The following RAB7A variants were observed in gnomAD, a reference collection of about 807,000 sequenced individuals.
The protein encoded by RAB7A is ras-related protein Rab-7a.
RAB7A carries 2 observed loss-of-function variants against 24.5 expected under a neutral mutation model. The observed-to-expected ratio is 0.08, with a 90% CI of 0.03 to 0.26. The LOEUF is 0.26. RAB7A is among the 10% of genes least tolerant of loss of function. RAB7A has a pLI of 1.00. For missense variants in RAB7A, 118 were observed against 255.7 expected, an observed-to-expected ratio of 0.46 and a Z score of 3.67; for synonymous variants, 100 against 95.9, an observed-to-expected ratio of 1.04 and a Z score of -0.25.
chr3:128,807,766 C>T (rs867283370), intron 5 of RAB7A, 95 bp downstream of exon 5: 2 of 1,553,806 alleles, frequency 1.3e-6, no homozygotes, highest in Non-Finnish European at 8.8e-7. Flanking sequence ...CTTCCCTAAC[C>T]CACTCTTTTC....
intron 3 of RAB7A, among the ~76,000 whole-genome samples, chr3:128,801,594 T>C (rs1933699820): frequency 6.6e-6 from 1 of 151,944 alleles, no homozygotes; most frequent in Non-Finnish European, 1.5e-5. Flanking sequence ...AATTTGGAAA[T>C]TCAGAGAATG....
intron 5 of RAB7A, among the ~76,000 whole-genome samples, chr3:128,809,173 G>A (rs113144540): frequency 2.0e-5 from 3 of 152,320 alleles, no homozygotes; most frequent in African/African-American, 7.2e-5. Context: ...TACTGTCCCT[G>A]TTGTCTTTAT....
Position 128,774,556 on chromosome 3 carries a change from G to A in RAB7A, c.-8-20804G>A, listed in dbSNP as rs576727358. 8.6e-5 allele frequency among the ~76,000 whole-genome samples: 13 copies of A among 151,936 alleles called. No individual in the cohort carries two copies. In the East Asian group the frequency reaches 2.3e-3, roughly 27 times the overall value. On this transcript the variant is annotated intron_variant, in intron 1 of 5. Transcript: ENST00000265062. ...GGCTCACTGTAACCTCTGCCTCCTG[G>A]GTTCAAGTGATTCTTTTATTTATTT...
At chr3:128,773,917 TC>T (rs1281524346) in intron 1 of RAB7A, among the ~76,000 whole-genome samples, 1 of 151,452 alleles carries the variant, frequency 6.6e-6, no homozygotes, top group Non-Finnish European at 1.5e-5. Context: ...CTCCCTAATC[TC>T]AAGTACCCAG....
chr3:128,766,761 A>G (rs1034371061), intron 1 of RAB7A, among the ~76,000 whole-genome samples: 6 of 151,842 alleles, frequency 4.0e-5, no homozygotes, highest in African/African-American at 1.5e-4. Flanking sequence ...GCTGGTTTTG[A>G]ACTCCTGAAC....
chr3:128,807,162 G>A (rs948513577), intron 4 of RAB7A, among the ~76,000 whole-genome samples: 3 of 152,174 alleles, frequency 2.0e-5, no homozygotes, highest in African/African-American at 4.8e-5. Flanking sequence ...ATGGTGAAGG[G>A]ACTATAAACC....
chr3:128,751,987 T>G (rs931068277), intron 1 of RAB7A, among the ~76,000 whole-genome samples: 2 of 152,200 alleles, frequency 1.3e-5, no homozygotes. Flanking sequence ...AAGATGTGAC[T>G]TGCTCCTCCT....
intron 3 of RAB7A, among the ~76,000 whole-genome samples, chr3:128,804,879 C>G (rs996585346): frequency 1.3e-5 from 2 of 152,180 alleles, no homozygotes; most frequent in Non-Finnish European, 2.9e-5. Flanking sequence ...CGATGGTTCA[C>G]TAAATCTGTT....
intron 1 of RAB7A, among the ~76,000 whole-genome samples, chr3:128,784,307 G>A (rs929597214): frequency 1.3e-5 from 2 of 152,178 alleles, no homozygotes; most frequent in African/African-American, 4.8e-5. Context: ...AAACACAGGT[G>A]ACTTCCTTGG....
chr3:128,733,801 C>T (rs1456137536), intron 1 of RAB7A, among the ~76,000 whole-genome samples: 2 of 152,176 alleles, frequency 1.3e-5, no homozygotes, highest in Non-Finnish European at 2.9e-5. Flanking sequence ...ATTAGAATTT[C>T]AACTTAAAAA....
chr3:128,755,477 G>T (rs933404062), intron 1 of RAB7A, among the ~76,000 whole-genome samples: 4 of 151,840 alleles, frequency 2.6e-5, no homozygotes, highest in African/African-American at 9.7e-5. Flanking sequence ...CTCAAAGCTA[G>T]CAGAAAGAAG....
intron 1 of RAB7A, among the ~76,000 whole-genome samples, chr3:128,758,625 A>G (rs1326893771): frequency 6.6e-6 from 1 of 152,084 alleles, no homozygotes; most frequent in East Asian, 1.9e-4. Context: ...ATTCATCAAG[A>G]ATGAATGACT....
intron 1 of RAB7A, among the ~76,000 whole-genome samples, chr3:128,761,839 A>G (rs2070777948): frequency 6.6e-6 from 1 of 152,222 alleles, no homozygotes; most frequent in South Asian, 2.1e-4. Flanking sequence ...GGCATTACTG[A>G]AAAGCAACCG....
chr3:128,756,927 T>G (rs1200784356), intron 1 of RAB7A, among the ~76,000 whole-genome samples: 1 of 149,886 alleles, frequency 6.7e-6, no homozygotes, highest in South Asian at 2.1e-4. Flanking sequence ...CACTGCAAAC[T>G]CCACCTCGTG....
Position 128,767,567 on chromosome 3 carries a change from A to G in RAB7A, c.-8-27793A>G, listed in dbSNP as rs140906775. ...AGATTTGTATGGCTGGGGCTAAACC[A>G]GATGTGATGGTTGGGGTAAAGGGAC... On this transcript the variant is annotated intron_variant, in intron 1 of 5. Coordinates refer to ENST00000265062, the MANE Select transcript of RAB7A (RefSeq NM_004637.6). Among the ~76,000 whole-genome samples, 15 of 152,348 alleles carry G rather than the reference A, an allele frequency of 9.8e-5. No homozygotes were observed. In the East Asian group the frequency reaches 2.9e-3, roughly 29 times the overall value.
At chr3:128,792,954 G>T (rs183023283) in intron 1 of RAB7A, among the ~76,000 whole-genome samples, 1,535 of 148,356 alleles carry the variant, frequency 0.01, 30 homozygotes, top group African/African-American at 0.036. Flanking sequence ...GGGTTCAAAC[G>T]ATTCTCCTGC....
chr3:128,760,786 C>A (rs1219319194), intron 1 of RAB7A, among the ~76,000 whole-genome samples: 1 of 152,192 alleles, frequency 6.6e-6, no homozygotes, highest in Non-Finnish European at 1.5e-5. Flanking sequence ...GCCTTGAAAT[C>A]TTTTGTGGTC....
At chr3:128,811,996 G>A (rs531881088) in intron 5 of RAB7A, among the ~76,000 whole-genome samples, 3 of 152,274 alleles carry the variant, frequency 2.0e-5, no homozygotes, top group African/African-American at 7.2e-5. Context: ...GTCCAGGATG[G>A]TATAGAATGG....
intron 1 of RAB7A, among the ~76,000 whole-genome samples, chr3:128,734,750 C>A (rs1187645632): frequency 6.6e-6 from 1 of 152,136 alleles, no homozygotes; most frequent in African/African-American, 2.4e-5. Flanking sequence ...TTCTGACTGA[C>A]CCTTCAGATA....
Sources: gnomAD v4.1 joint callset for allele counts (sites outside exome capture counted in the v4.1 genomes callset) on GRCh38, gnomAD v4.1.1 for gene constraint, MANE v1.5 for transcripts, NCBI Gene and HGNC (gene_info 2026-07-23, HGNC 2026-07-21) for gene names.